The following USP25 variants were observed in gnomAD, a reference collection of about 807,000 sequenced individuals.
The protein encoded by USP25 is ubiquitin specific peptidase 25.
In USP25, 85 loss-of-function variants were observed where a neutral mutation model predicts 158.5. The ratio of observed to expected loss-of-function variants is 0.54; its 90% CI spans 0.45 to 0.64. USP25 has a LOEUF of 0.64. USP25 is among the 30% of genes least tolerant of loss of function. The probability of loss-of-function intolerance (pLI) is 0.00; values close to 1 mark genes in which losing one functional copy is unlikely to be tolerated. For missense variants in USP25, 1,242 were observed against 1,327.3 expected, an observed-to-expected ratio of 0.94 and a Z score of 1.00; for synonymous variants, 464 against 460.4, an observed-to-expected ratio of 1.01 and a Z score of -0.10.
chr21:15,842,895 G>A (rs949165621), intron 18 of USP25, among the ~76,000 whole-genome samples: 3 of 151,924 alleles, frequency 2.0e-5, no homozygotes, highest in Admixed American at 6.6e-5. Context: ...GATTACATGG[G>A]AATAGTTGAG....
At chr21:15,804,634 T>C (rs2036288937) in intron 6 of USP25, among the ~76,000 whole-genome samples, 1 of 152,048 alleles carries the variant, frequency 6.6e-6, no homozygotes, top group Non-Finnish European at 1.5e-5. Flanking sequence ...AATTTGAAGG[T>C]ATCGTTGACT....
chr21:15,738,909 C>T (rs142355711), intron 1 of USP25, among the ~76,000 whole-genome samples: 184 of 152,204 alleles, frequency 1.2e-3, no homozygotes, highest in African/African-American at 4.0e-3. Flanking sequence ...ATCTAATTAC[C>T]GGTGCATGCA....
intron 4 of USP25, among the ~76,000 whole-genome samples, chr21:15,786,523 AC>A (rs1389508376): frequency 6.6e-6 from 1 of 152,170 alleles, no homozygotes; most frequent in Non-Finnish European, 1.5e-5. Context: ...GAGAACGGAA[AC>A]CATATAATTT....
At chr21:15,811,466 A>AT (rs2036658666) in intron 9 of USP25, among the ~76,000 whole-genome samples, 1 of 152,178 alleles carries the variant, frequency 6.6e-6, no homozygotes, top group African/African-American at 2.4e-5. Flanking sequence ...GAGGGCTTCC[A>AT]TGATACAATT....
At chr21:15,838,526 C>T (rs1488023859) in intron 17 of USP25, among the ~76,000 whole-genome samples, 5 of 152,026 alleles carry the variant, frequency 3.3e-5, no homozygotes, top group African/African-American at 1.2e-4. Flanking sequence ...AGACTTTCTT[C>T]GGAATGGGGC....
intron 3 of USP25, among the ~76,000 whole-genome samples, chr21:15,775,270 A>G (rs548852031): frequency 7.2e-5 from 11 of 152,362 alleles, no homozygotes; most frequent in African/African-American, 2.4e-4. Context: ...AGTTTCGGCT[A>G]TAGCCCATTT....
chr21:15,878,284 T>G lies in USP25; in HGVS notation c.3206-19T>G. Reference sequence around the variant, plus strand: ...AATAATTTCTATCTTTAGTTAGATTTAATTGTTTGTATTTGCAGCACACCT... The same window carrying G: ...AATAATTTCTATCTTTAGTTAGATTGAATTGTTTGTATTTGCAGCACACCT... On this transcript the variant is annotated intron_variant, in intron 25 of 25. Coordinates refer to ENST00000400183, the MANE Select transcript of USP25 (RefSeq NM_001283041.3). 1 of 1,604,574 alleles carries G rather than the reference T, an allele frequency of 6.2e-7. No individual in the cohort carries two copies. Among genetic ancestry groups the G allele is most frequent in the East Asian group, 2.2e-5 (1 of 44,750 alleles).
chr21:15,843,270 T>C lies in USP25; in HGVS notation c.2337+730T>C, dbSNP rs1380042628. Among the ~76,000 whole-genome samples the C allele has an allele frequency of 6.6e-6, 1 of 152,212 alleles. No individual in the cohort carries two copies. Among genetic ancestry groups the C allele is most frequent in the Non-Finnish European group, 1.5e-5 (1 of 68,036 alleles). On this transcript the variant is annotated intron_variant, in intron 18 of 25. Coordinates refer to ENST00000400183, the MANE Select transcript of USP25 (RefSeq NM_001283041.3). The surrounding 1 kb of genome is among the most constrained non-coding windows in gnomAD (Gnocchi z 4.0). ...TCTTTTATTAGTGAGCATAAGCAGC[T>C]CTAATGCAGATTTTGTGGTAGTTCC...
intron 1 of USP25, among the ~76,000 whole-genome samples, chr21:15,758,671 A>T (rs372544083): frequency 3.9e-5 from 6 of 152,336 alleles, no homozygotes; most frequent in African/African-American, 1.2e-4. Context: ...AAAGAAAAAG[A>T]TATTTAATAG....
At chr21:15,730,513 C>A (rs2030698708) in intron 1 of USP25, 75 bp downstream of exon 1, 1 of 1,283,842 alleles carries the variant, frequency 7.8e-7, no homozygotes, top group Non-Finnish European at 9.9e-7. Context: ...CGGCCGGGCG[C>A]CCCGGCCTCG....
chr21:15,760,539 A>C (rs1475139284), intron 1 of USP25, among the ~76,000 whole-genome samples: 2 of 152,240 alleles, frequency 1.3e-5, no homozygotes, highest in African/African-American at 4.8e-5. Flanking sequence ...TGTAAAAGAT[A>C]CTTGGGCTGC....
chr21:15,817,944 C>T (rs768598560), intron 9 of USP25, among the ~76,000 whole-genome samples: 6 of 152,100 alleles, frequency 3.9e-5, no homozygotes, highest in Non-Finnish European at 7.3e-5. Flanking sequence ...TTAATAGGAC[C>T]ACAAGACCTT....
At chr21:15,854,786 G>A (rs866297452) in intron 20 of USP25, among the ~76,000 whole-genome samples, 1 of 152,036 alleles carries the variant, frequency 6.6e-6, no homozygotes, top group Non-Finnish European at 1.5e-5. Flanking sequence ...CCACGTGAAC[G>A]TCTACCCAAT....
chr21:15,745,396 T>C (rs185868769), intron 1 of USP25, among the ~76,000 whole-genome samples: 196 of 152,178 alleles, frequency 1.3e-3, no homozygotes, highest in African/African-American at 4.5e-3. Flanking sequence ...TTCTTTGAAG[T>C]TGAAGTATTT....
rs1436284453 is a variant in USP25 at position 15,791,552 on chromosome 21, C to T, written c.443C>T (p.Pro148Leu). The T allele has an allele frequency of 1.2e-6, 2 of 1,611,388 alleles. No individual in the cohort carries two copies. Among genetic ancestry groups the T allele is most frequent in the East Asian group, 2.2e-5 (1 of 44,776 alleles). ...AENKACLKRT[P>L]TEVWRDSRNP... is the part of the protein sequence containing the mutation. ...AATAAAGCATGTTTGAAGAGGACAC[C>T]TACAGAAGTTTGGAGGGATTCTCGA... The change falls in exon 5 of 26, where the codon CCT (proline) becomes CTT (leucine). Residue 148 changes from proline to leucine, a missense_variant. Physicochemically the swap from Pro to Leu is moderately conservative, Grantham distance 98 (BLOSUM62 -3). Around this residue, in one of 3 missense-constraint regions of USP25, gnomAD observed 627 missense variants for 701.4 expected, o/e 0.89. Coordinates refer to ENST00000400183, the MANE Select transcript of USP25 (RefSeq NM_001283041.3).
intron 1 of USP25, among the ~76,000 whole-genome samples, chr21:15,735,480 TA>T (rs1224385789): frequency 2.0e-5 from 3 of 152,330 alleles, no homozygotes; most frequent in Admixed American, 6.5e-5. Flanking sequence ...GCAAGTATTA[TA>T]CCATTTTATA....
In USP25 at chr21:15,830,621, AG is replaced by A; in HGVS notation, c.1764+21del. The A allele has an allele frequency of 6.5e-7, 1 of 1,529,278 alleles. No homozygotes were observed. Among genetic ancestry groups the A allele is most frequent in the Non-Finnish European group, 8.9e-7 (1 of 1,123,898 alleles). 94.7% of individuals were successfully genotyped at this position (1,529,278 alleles called of 1,614,324 possible). On this transcript the variant is annotated intron_variant, in intron 15 of 25. Transcript: ENST00000400183. ...ATACAAGTAAGTGAAATTTTGAGCT[AG>A]TAATCATTGTCAAAATTATTTACAT...
chr21:15,874,389 T>G lies in USP25; in HGVS notation c.2886-14T>G. The stretch of plus-strand genomic sequence containing the variant: ...TGAAATACTAATGTTATATGTTTCT[T>G]TTTAATTTTCAAGTTATATAGATTC... On this transcript the variant is annotated splice_polypyrimidine_tract_variant and intron_variant, in intron 23 of 25. Coordinates refer to ENST00000400183, the MANE Select transcript of USP25 (RefSeq NM_001283041.3). The G allele has an allele frequency of 1.9e-6, 3 of 1,587,324 alleles. No homozygotes were observed. Among genetic ancestry groups the G allele is most frequent in the South Asian group, 2.3e-5 (2 of 87,054 alleles).
chr21:15,870,223 G>C, intron 23 of USP25, 76 bp downstream of exon 23: 1 of 957,802 alleles, frequency 1.0e-6, no homozygotes, highest in Non-Finnish European at 1.5e-6. Flanking sequence ...CTCATCCATG[G>C]AAAAGATTTT....
Sources: gnomAD v4.1 joint callset for allele counts (sites outside exome capture counted in the v4.1 genomes callset) on GRCh38, gnomAD v4.1.1 for gene constraint, gnomAD v4.1.1 regional missense constraint, Gnocchi (gnomAD v3.1) non-coding constraint, MANE v1.5 for transcripts, NCBI Gene and HGNC (gene_info 2026-07-23, HGNC 2026-07-21) for gene names.